The following CMSS1 variants were observed in gnomAD, a reference collection of about 807,000 sequenced individuals.
CMSS1 encodes protein CMSS1.
In CMSS1, 33 loss-of-function variants were observed where a neutral mutation model predicts 43.5. That is an observed-to-expected ratio of 0.76 (90% CI 0.57 to 1.01). The LOEUF (loss-of-function observed/expected upper bound fraction) is 1.01, where lower values mean the gene tolerates loss of function less well. Among genes scored for constraint, CMSS1 ranks in the 50% least tolerant of loss-of-function variants. The pLI is 0.00. For synonymous variants in CMSS1, 115 were observed against 117.2 expected (o/e 0.98, Z 0.12); for missense variants, 313 against 326.4 (o/e 0.96, Z 0.32).
intron 1 of CMSS1, among the ~76,000 whole-genome samples, chr3:99,955,114 C>T (rs1236053724): frequency 2.6e-5 from 4 of 152,180 alleles, no homozygotes; most frequent in South Asian, 4.1e-4. Context: ...TAAGTGATTA[C>T]ACAAGTGGTT....
chr3:100,045,034 T>A (rs1364238346), intron 1 of CMSS1, among the ~76,000 whole-genome samples: 1 of 152,226 alleles, frequency 6.6e-6, no homozygotes, highest in Non-Finnish European at 1.5e-5. Flanking sequence ...GTTTGGAACA[T>A]GTTTGATCTG....
chr3:99,996,027 TG>T (rs1709669061), intron 1 of CMSS1, among the ~76,000 whole-genome samples: 1 of 152,234 alleles, frequency 6.6e-6, no homozygotes, highest in South Asian at 2.1e-4. Context: ...TTTCTGCAGC[TG>T]GCTTGAATTC....
intron 1 of CMSS1, among the ~76,000 whole-genome samples, chr3:99,931,922 A>T (rs1707494271): frequency 6.6e-6 from 1 of 152,208 alleles, no homozygotes; most frequent in Admixed American, 6.5e-5. Flanking sequence ...GCATATAAGC[A>T]GATTATTAAT....
intron 1 of CMSS1, among the ~76,000 whole-genome samples, chr3:99,887,646 GA>G (rs1421082286): frequency 1.3e-5 from 2 of 152,150 alleles, no homozygotes; most frequent in Non-Finnish European, 2.9e-5. Context: ...GGCATTGTTA[GA>G]AAATTCTTTT....
chr3:100,162,944 C>T (rs1313426250), intron 4 of CMSS1, among the ~76,000 whole-genome samples: 4 of 152,286 alleles, frequency 2.6e-5, no homozygotes, highest in African/African-American at 7.2e-5. Flanking sequence ...CATTGCACTC[C>T]AGCCTGGGGG....
intron 1 of CMSS1, among the ~76,000 whole-genome samples, chr3:100,075,210 T>A (rs1221232846): frequency 6.6e-6 from 1 of 152,188 alleles, no homozygotes; most frequent in Non-Finnish European, 1.5e-5. Flanking sequence ...CCTGGTCAGC[T>A]TTTGCTAAAA....
At chr3:100,005,997 A>G (rs747914288) in intron 1 of CMSS1, among the ~76,000 whole-genome samples, 3 of 152,192 alleles carry the variant, frequency 2.0e-5, no homozygotes, top group Non-Finnish European at 4.4e-5. Context: ...GGAGAATGGT[A>G]GAGAAGGGAA....
chr3:99,878,002 G>T (rs1705593355), intron 1 of CMSS1, among the ~76,000 whole-genome samples: 1 of 151,962 alleles, frequency 6.6e-6, no homozygotes, highest in Non-Finnish European at 1.5e-5. Context: ...CTTTTGACTT[G>T]CTGGTTCCCA....
intron 1 of CMSS1, among the ~76,000 whole-genome samples, chr3:100,062,166 C>A (rs1163125741): frequency 1.7e-5 from 2 of 121,026 alleles, no homozygotes; most frequent in African/African-American, 3.3e-5. Context: ...GGCTGGAGTG[C>A]AGTGGCGCGA....
chr3:99,983,792 C>T (rs2107738128), intron 1 of CMSS1, among the ~76,000 whole-genome samples: 1 of 151,320 alleles, frequency 6.6e-6, no homozygotes, highest in East Asian at 1.9e-4. Flanking sequence ...CTGTAGCTAG[C>T]AAGAAAAGTA....
chr3:100,093,887 A>G (rs2107441037), intron 1 of CMSS1, among the ~76,000 whole-genome samples: 1 of 152,212 alleles, frequency 6.6e-6, no homozygotes, highest in Non-Finnish European at 1.5e-5. Flanking sequence ...AGTTTTTTCC[A>G]TTTTTTGGCT....
intron 1 of CMSS1, among the ~76,000 whole-genome samples, chr3:99,959,395 C>T (rs562567124): frequency 2.0e-5 from 3 of 152,336 alleles, no homozygotes; most frequent in African/African-American, 7.2e-5. Context: ...TGTGATCTGC[C>T]TGACTCAGAC....
intron 1 of CMSS1, 117 bp downstream of exon 1, chr3:99,818,160 G>C: frequency 3.3e-6 from 3 of 897,066 alleles, no homozygotes; most frequent in East Asian, 2.6e-5. Flanking sequence ...GCACCGCCTT[G>C]GGAGCGCGCA....
In CMSS1 at chr3:99,921,303, TC is replaced by T. The variant is rs1285654400; in HGVS notation, c.64+103265del. On this transcript the variant is annotated intron_variant, in intron 1 of 9. Coordinates refer to ENST00000421999, the MANE Select transcript of CMSS1 (RefSeq NM_032359.4). ...GTTTATTTACCTGAAGTCATTAGTT[TC>T]CCCCACTTCCTGTTTCGTTAGATGG... 4.6e-5 allele frequency among the ~76,000 whole-genome samples: 7 copies of T among 152,264 alleles called. No individual in the cohort carries two copies. The South Asian group carries it at 1.5e-3, about 32-fold the overall frequency.
chr3:100,030,370 A>G (rs1221961671), intron 1 of CMSS1, among the ~76,000 whole-genome samples: 1 of 152,126 alleles, frequency 6.6e-6, no homozygotes, highest in Non-Finnish European at 1.5e-5. Flanking sequence ...CATGAAAGAA[A>G]CTTGGACTCA....
rs139580613 is a variant in CMSS1, at chr3:100,178,347, A to G, written c.799A>G (p.Ser267Gly). ...VFELLEMGVL[S>G]LCKSESLKLG... is the part of the protein sequence containing the mutation. ...CGAACTTCTGGAAATGGGAGTGCTC[A>G]GTCTGTGCAAGTCAGAATCCTTGAA... Residue 267 changes from serine (S) to glycine (G), a missense_variant, in exon 10 of 10, where the codon AGT (serine) becomes GGT (glycine). Ser to Gly is a moderately conservative substitution (Grantham distance 56). Coordinates refer to ENST00000421999, the MANE Select transcript of CMSS1 (RefSeq NM_032359.4). The G allele has an allele frequency of 1.0e-4, 167 of 1,613,292 alleles. No individual in the cohort carries two copies. Among genetic ancestry groups the G allele is most frequent in the Non-Finnish European group, 1.4e-4 (166 of 1,179,442 alleles).
intron 5 of CMSS1, 30 bp from the exon 6 acceptor site, chr3:100,167,708 C>A: frequency 6.7e-7 from 1 of 1,501,902 alleles, no homozygotes; most frequent in South Asian, 1.2e-5. Flanking sequence ...TGCCATATTT[C>A]AAATAATTGT....
chr3:100,157,092 C>T (rs2107523764), intron 2 of CMSS1, among the ~76,000 whole-genome samples: 1 of 152,252 alleles, frequency 6.6e-6, no homozygotes, highest in South Asian at 2.1e-4. Flanking sequence ...TCTATAATAT[C>T]ATTTATTGAA....
chr3:99,970,188 A>C (rs1708772470), intron 1 of CMSS1, among the ~76,000 whole-genome samples: 2 of 152,214 alleles, frequency 1.3e-5, no homozygotes. Context: ...ATCATTTTGC[A>C]GCTGAGAAAG....
Sources: gnomAD v4.1 joint callset for allele counts (sites outside exome capture counted in the v4.1 genomes callset) on GRCh38, gnomAD v4.1.1 for gene constraint, MANE v1.5 for transcripts, NCBI Gene and HGNC (gene_info 2026-07-23, HGNC 2026-07-21) for gene names.